The following RBFOX1 variants were observed in gnomAD, a reference collection of about 807,000 sequenced individuals.
RBFOX1 encodes RNA binding protein fox-1 homolog 1.
A neutral mutation model predicts 57.7 loss-of-function variants in RBFOX1; 8 were observed. The observed-to-expected ratio is 0.14, with a 90% CI of 0.08 to 0.25. The LOEUF is 0.25. Among genes scored for constraint, RBFOX1 ranks in the 10% least tolerant of loss-of-function variants. The pLI, the probability that RBFOX1 is intolerant of heterozygous loss-of-function variation, is 1.00. For missense variants in RBFOX1, 611 were observed against 548.5 expected (o/e 1.11, Z -1.14); for synonymous variants, 326 against 222.4 (o/e 1.47, Z -4.15).
At chr16:6,888,341 T>G (rs975068411) in intron 3 of RBFOX1, among the ~76,000 whole-genome samples, 3 of 152,184 alleles carry the variant, frequency 2.0e-5, no homozygotes, top group African/African-American at 7.2e-5. Flanking sequence ...AATGAATCAC[T>G]GAAGCTGTTT....
chr16:6,502,756 T>G (rs1025774982), intron 2 of RBFOX1, among the ~76,000 whole-genome samples: 1 of 152,160 alleles, frequency 6.6e-6, no homozygotes, highest in Non-Finnish European at 1.5e-5. Flanking sequence ...GGTGCCCCGA[T>G]GGATCATGAT....
At chr16:6,708,919 C>T (rs552605961) in intron 3 of RBFOX1, among the ~76,000 whole-genome samples, 11 of 152,154 alleles carry the variant, frequency 7.2e-5, no homozygotes, top group African/African-American at 2.6e-4. Flanking sequence ...GCGTCCCCAA[C>T]AGCTTAAGCC....
At chr16:5,579,652 A>T (rs1239249487) in intron 2 of RBFOX1, among the ~76,000 whole-genome samples, 1 of 152,074 alleles carries the variant, frequency 6.6e-6, no homozygotes, top group Non-Finnish European at 1.5e-5. Flanking sequence ...TTCTTAGGGG[A>T]AACCTTCCCC....
At chr16:6,679,352 T>C (rs2058260189) in intron 3 of RBFOX1, among the ~76,000 whole-genome samples, 1 of 152,124 alleles carries the variant, frequency 6.6e-6, no homozygotes, top group Admixed American at 6.5e-5. Context: ...GTGGATGTTC[T>C]GATGTTTGGG....
chr16:5,911,329 G>A (rs2058597819), intron 4 of RBFOX1, among the ~76,000 whole-genome samples: 1 of 152,182 alleles, frequency 6.6e-6, no homozygotes. Context: ...GGATACTTGT[G>A]GAAGATCCGA....
intron 3 of RBFOX1, among the ~76,000 whole-genome samples, chr16:7,033,927 C>G (rs1343864574): frequency 6.6e-6 from 1 of 152,200 alleles, no homozygotes; most frequent in East Asian, 1.9e-4. Context: ...TATGATTGCA[C>G]TGCTGCATTT....
chr16:6,320,560 A>C (rs1592455), intron 2 of RBFOX1, among the ~76,000 whole-genome samples: 3,571 of 152,202 alleles, frequency 0.023, 143 homozygotes, highest in African/African-American at 0.081. Flanking sequence ...GTTAATGTAC[A>C]TATACCTTGT....
chr16:7,428,932 A>G (rs1216704796), intron 4 of RBFOX1, among the ~76,000 whole-genome samples: 1 of 152,140 alleles, frequency 6.6e-6, no homozygotes, highest in African/African-American at 2.4e-5. Context: ...TAGGTCGTAA[A>G]GTACAACACA....
At chr16:7,477,949 C>T (rs1002827369) in intron 4 of RBFOX1, among the ~76,000 whole-genome samples, 1 of 152,188 alleles carries the variant, frequency 6.6e-6, no homozygotes, top group Non-Finnish European at 1.5e-5. Flanking sequence ...TTTGCACTCC[C>T]ACACATAATT....
chr16:6,931,340 T>TATCTACAC (rs1555640312), intron 3 of RBFOX1, among the ~76,000 whole-genome samples: 1,333 of 106,842 alleles, frequency 0.012, 30 homozygotes, highest in African/African-American at 0.041. Flanking sequence ...TATCTATCTC[T>TATCTACAC]ACACACACAC....
At chr16:6,077,408 A>G (rs2095920206) in intron 1 of RBFOX1, among the ~76,000 whole-genome samples, 1 of 152,202 alleles carries the variant, frequency 6.6e-6, no homozygotes. Context: ...AAGCCTGTTT[A>G]TTATTTTTCA....
At chr16:5,961,615 G>A (rs967828207) in intron 4 of RBFOX1, among the ~76,000 whole-genome samples, 2 of 152,140 alleles carry the variant, frequency 1.3e-5, no homozygotes, top group African/African-American at 2.4e-5. Context: ...AACCTCCCCA[G>A]TTCAAACAAT....
At chr16:6,471,505 G>A (rs2095173276) in intron 2 of RBFOX1, among the ~76,000 whole-genome samples, 1 of 150,888 alleles carries the variant, frequency 6.6e-6, no homozygotes, top group African/African-American at 2.4e-5. Context: ...TGTAAGTAAT[G>A]TTAAAAGAAT....
chr16:6,810,028 T>G (rs1345992572), intron 3 of RBFOX1, among the ~76,000 whole-genome samples: 2 of 69,306 alleles, frequency 2.9e-5, no homozygotes, highest in South Asian at 5.8e-4. Flanking sequence ...CTCTCTCACC[T>G]TTTTTTTTTT....
At chr16:6,771,331 C>G (rs958657079) in intron 3 of RBFOX1, among the ~76,000 whole-genome samples, 2 of 152,176 alleles carry the variant, frequency 1.3e-5, no homozygotes, top group African/African-American at 2.4e-5. Context: ...CACTTCTGCT[C>G]AAGTCTATGT....
intron 3 of RBFOX1, among the ~76,000 whole-genome samples, chr16:6,793,494 T>C (rs568279732): frequency 2.0e-5 from 3 of 152,294 alleles, no homozygotes; most frequent in East Asian, 1.9e-4. Flanking sequence ...TATTCCTGAG[T>C]GTTTTGACAT....
intron 1 of RBFOX1, among the ~76,000 whole-genome samples, chr16:5,386,967 C>G (rs1311090292): frequency 6.6e-6 from 1 of 152,206 alleles, no homozygotes; most frequent in African/African-American, 2.4e-5. Flanking sequence ...AGTAGAATCT[C>G]TTGAACCCAG....
intron 1 of RBFOX1, among the ~76,000 whole-genome samples, chr16:6,226,095 C>A (rs143727326): frequency 0.025 from 3,845 of 151,494 alleles, 81 homozygotes; most frequent in Admixed American, 0.037. Context: ...TGCAGTGGCT[C>A]ATGCCTGTAA....
rs111573104 is a variant in RBFOX1 at position 5,881,067 on chromosome 16, C to T, written c.351+13732C>T. Among the ~76,000 whole-genome samples, 1,021 of 152,216 alleles carry T rather than the reference C, an allele frequency of 6.7e-3. 11 individuals carry two copies. The highest frequency in any genetic ancestry group is 0.024 in the African/African-American group (988 of 41,522). ...TTGTGTCTTATATTTAAAGGGAGTG[C>T]TAGATTTGTTAGAGGCTAGTGAAAA... On this transcript the variant is annotated intron_variant, in intron 4 of 19. Transcript: ENST00000641259.
Sources: gnomAD v4.1 joint callset for allele counts (sites outside exome capture counted in the v4.1 genomes callset) on GRCh38, gnomAD v4.1.1 for gene constraint, MANE v1.5 for transcripts, NCBI Gene and HGNC (gene_info 2026-07-23, HGNC 2026-07-21) for gene names.